The following ADARB1 variants were observed in gnomAD, a reference collection of about 807,000 sequenced individuals.
The protein encoded by ADARB1 is double-stranded RNA-specific editase 1.
ADARB1 carries 10 observed loss-of-function variants against 52.4 expected under a neutral mutation model. The observed-to-expected ratio is 0.19, with a 90% CI of 0.12 to 0.32. The LOEUF (loss-of-function observed/expected upper bound fraction) is 0.32, where lower values mean the gene tolerates loss of function less well. Among genes scored for constraint, ADARB1 ranks in the 10% least tolerant of loss-of-function variants. The pLI is 1.00. For missense variants in ADARB1, 643 were observed against 922.3 expected (o/e 0.70, Z 3.92); for synonymous variants, 349 against 371.1 (o/e 0.94, Z 0.68).
chr21:45,148,375 C>T (rs995402313), intron 2 of ADARB1, among the ~76,000 whole-genome samples: 1 of 152,178 alleles, frequency 6.6e-6, no homozygotes, highest in African/African-American at 2.4e-5. Context: ...CCTGGGACGG[C>T]CCCAGTATTG....
At chr21:45,218,479 T>G (rs1195425823) in intron 9 of ADARB1, among the ~76,000 whole-genome samples, 1 of 152,248 alleles carries the variant, frequency 6.6e-6, no homozygotes, top group Non-Finnish European at 1.5e-5. Flanking sequence ...CCAGCCTTGA[T>G]TGAGTAACAT....
At chr21:45,083,838 C>A (rs2086239438) in intron 1 of ADARB1, among the ~76,000 whole-genome samples, 1 of 152,166 alleles carries the variant, frequency 6.6e-6, no homozygotes, top group Non-Finnish European at 1.5e-5. Context: ...GTAGCTGGGG[C>A]TACAGGTGGA....
At chr21:45,110,735 T>G (rs1410370617) in intron 1 of ADARB1, among the ~76,000 whole-genome samples, 3 of 152,194 alleles carry the variant, frequency 2.0e-5, no homozygotes, top group African/African-American at 7.2e-5. Context: ...TAATTAGTTT[T>G]TTACCATTAT....
intron 1 of ADARB1, among the ~76,000 whole-genome samples, chr21:45,080,650 A>G (rs1184420932): frequency 1.3e-5 from 2 of 152,384 alleles, no homozygotes; most frequent in Non-Finnish European, 2.9e-5. Context: ...ACATGTGGAA[A>G]TGGAATTTTT....
At position 45,223,768 on chromosome 21, in the gene ADARB1, C is replaced by T; in HGVS notation, c.*1571C>T. 1.0e-6 allele frequency: 1 copy of T among 985,488 alleles called. No homozygotes were observed. The highest frequency in any genetic ancestry group is 1.2e-6 in the Non-Finnish European group (1 of 829,970). The allele number at this position is 985,488 out of a possible 1,614,324, so 61.0% of individuals were successfully genotyped here. ...AGACCCCAAAACTGAAACACCGTGG[C>T]TTCGGCGGGGGGTGTGCCTCCTGAT... On this transcript the variant is annotated 3_prime_UTR_variant, in exon 11 of 11. Transcript: ENST00000348831.
At chr21:45,105,623 A>G (rs1392839664) in intron 1 of ADARB1, among the ~76,000 whole-genome samples, 3 of 152,258 alleles carry the variant, frequency 2.0e-5, no homozygotes, top group Non-Finnish European at 4.4e-5. Context: ...AATTATTTTG[A>G]ACACTAAAGC....
intron 1 of ADARB1, among the ~76,000 whole-genome samples, chr21:45,104,956 A>G (rs923895093): frequency 1.1e-4 from 16 of 152,256 alleles, no homozygotes; most frequent in African/African-American, 3.9e-4. Context: ...AGTTGGATAA[A>G]AAGGTTGAGT....
chr21:45,177,111 G>C (rs528273953), intron 4 of ADARB1: 1 of 158,604 alleles, frequency 6.3e-6, no homozygotes, highest in South Asian at 1.8e-4. Context: ...ACACCAGCCC[G>C]TCAGCAGCTG....
At chr21:45,075,794 C>T (rs1005651768) in intron 1 of ADARB1, among the ~76,000 whole-genome samples, 2 of 152,320 alleles carry the variant, frequency 1.3e-5, no homozygotes, top group Middle Eastern at 3.4e-3. Context: ...TATTTTTGGT[C>T]AGCAGGTTTG....
At chr21:45,202,836 T>C (rs1004180123) in intron 8 of ADARB1, among the ~76,000 whole-genome samples, 1 of 149,240 alleles carries the variant, frequency 6.7e-6, no homozygotes, top group Non-Finnish European at 1.5e-5. Context: ...TGTGCCACAC[T>C]GTGCTGAGCG....
At chr21:45,215,996 A>G (rs2092855043) in intron 9 of ADARB1, among the ~76,000 whole-genome samples, 1 of 152,152 alleles carries the variant, frequency 6.6e-6, no homozygotes, top group African/African-American at 2.4e-5. Context: ...TTTTTCTATA[A>G]TAGATTTAGG....
intron 1 of ADARB1, among the ~76,000 whole-genome samples, chr21:45,099,365 A>G (rs149733434): frequency 6.6e-6 from 1 of 152,336 alleles, no homozygotes; most frequent in African/African-American, 2.4e-5. Context: ...GCCTTTTTAA[A>G]AAAATAATTT....
Position 45,182,622 on chromosome 21 carries a change from T to C in ADARB1, c.1116T>C (p.Ser372=), listed in dbSNP as rs1433270489. ...AAGATGCCAAGGTGATAAGTGTTTC[T>C]ACAGGAACAAAATGTATTAATGGTG... The part of the protein sequence containing the change: ...DVKDAKVISV[S]TGTKCINGEY... The change falls in exon 6 of 11, where the codon TCT becomes TCC. Residue 372 remains serine, a synonymous_variant. Coordinates refer to ENST00000348831, the MANE Select transcript of ADARB1 (RefSeq NM_001112.4). 6.2e-7 allele frequency: 1 copy of C among 1,604,612 alleles called. No homozygotes were observed. The highest frequency in any genetic ancestry group is 8.5e-7 in the Non-Finnish European group (1 of 1,177,586).
chr21:45,146,898 T>G (rs1280554352), intron 2 of ADARB1, among the ~76,000 whole-genome samples: 1 of 152,232 alleles, frequency 6.6e-6, no homozygotes, highest in Admixed American at 6.5e-5. Flanking sequence ...GTAAAAATTC[T>G]GGCTTCTTCT....
chr21:45,103,489 A>G (rs1319583985), intron 1 of ADARB1, among the ~76,000 whole-genome samples: 1 of 151,386 alleles, frequency 6.6e-6, no homozygotes, highest in Non-Finnish European at 1.5e-5. Context: ...GTAAGGGGAG[A>G]CAGTGGCAGA....
intron 9 of ADARB1, among the ~76,000 whole-genome samples, chr21:45,210,338 G>A (rs2092743862): frequency 6.6e-6 from 1 of 152,196 alleles, no homozygotes. Flanking sequence ...AGGGGATCTG[G>A]CTGAAAGGAT....
At chr21:45,080,060 T>A (rs1260702895) in intron 1 of ADARB1, among the ~76,000 whole-genome samples, 1 of 152,176 alleles carries the variant, frequency 6.6e-6, no homozygotes, top group Non-Finnish European at 1.5e-5. Context: ...CTTCTTATTC[T>A]TCGTGGGCTG....
intron 9 of ADARB1, among the ~76,000 whole-genome samples, chr21:45,209,270 A>G (rs1329748532): frequency 6.6e-6 from 1 of 152,166 alleles, no homozygotes; most frequent in Non-Finnish European, 1.5e-5. Flanking sequence ...AATGAGTCAC[A>G]TAGCCTCATG....
At chr21:45,120,167 A>G (rs2088082459) in intron 1 of ADARB1, among the ~76,000 whole-genome samples, 1 of 152,182 alleles carries the variant, frequency 6.6e-6, no homozygotes, top group African/African-American at 2.4e-5. Context: ...AGGCTATGAA[A>G]TTTTGTTGGT....
Sources: gnomAD v4.1 joint callset for allele counts (sites outside exome capture counted in the v4.1 genomes callset) on GRCh38, gnomAD v4.1.1 for gene constraint, MANE v1.5 for transcripts, NCBI Gene and HGNC (gene_info 2026-07-23, HGNC 2026-07-21) for gene names.